The following GRK5 variants were observed in gnomAD, a reference collection of about 807,000 sequenced individuals.
GRK5 encodes g protein-coupled receptor kinase GRK5.
A neutral mutation model predicts 78.4 loss-of-function variants in GRK5; 40 were observed. That is an observed-to-expected ratio of 0.51 (90% confidence interval 0.40 to 0.66). GRK5 has a LOEUF of 0.66. GRK5 is among the 30% of genes least tolerant of loss of function. GRK5 has a pLI of 0.00. For synonymous variants in GRK5, 289 were observed against 296.8 expected, an observed-to-expected ratio of 0.97 and a Z score of 0.27; for missense variants, 598 against 759.9, an observed-to-expected ratio of 0.79 and a Z score of 2.50.
At chr10:119,265,160 C>A (rs893950544) in intron 1 of GRK5, among the ~76,000 whole-genome samples, 3 of 152,210 alleles carry the variant, frequency 2.0e-5, no homozygotes, top group African/African-American at 7.2e-5. Flanking sequence ...GGGGCCTGCT[C>A]AGGTGCTGGA....
At chr10:119,344,080 T>TA (rs1851030852) in intron 2 of GRK5, among the ~76,000 whole-genome samples, 1 of 147,288 alleles carries the variant, frequency 6.8e-6, no homozygotes, top group Non-Finnish European at 1.5e-5. Context: ...TTTCTTTTTC[T>TA]TTTTTTTTTG....
At chr10:119,405,178 G>T (rs892899503) in intron 4 of GRK5, among the ~76,000 whole-genome samples, 1 of 152,102 alleles carries the variant, frequency 6.6e-6, no homozygotes, top group Non-Finnish European at 1.5e-5. Flanking sequence ...GGCCTGCGTG[G>T]GTTCTTCCCG....
rs1850886070 is a variant in GRK5 at position 119,336,360 on chromosome 10, C to A, written c.148+9749C>A. 6.6e-6 allele frequency among the ~76,000 whole-genome samples: 1 copy of A among 152,160 alleles called. No individual in the cohort carries two copies. The highest frequency in any genetic ancestry group is 2.1e-4 in the South Asian group (1 of 4,828). On this transcript the variant is annotated intron_variant, in intron 2 of 15. Coordinates refer to ENST00000392870, the MANE Select transcript of GRK5 (RefSeq NM_005308.3). This position sits in a 1 kb window ranked among gnomAD's most constrained non-coding sequence, Gnocchi z 4.5. ...TGAAAGGACGTGTGTCATCTAGAAGCCTGCAGCCCCGAGTCCTAACAATGG... is the reference window on the plus strand; with the variant it reads ...TGAAAGGACGTGTGTCATCTAGAAGACTGCAGCCCCGAGTCCTAACAATGG...
Position 119,396,753 on chromosome 10 carries a change from C to T in GRK5, c.320C>T (p.Thr107Ile). 6.2e-7 allele frequency: 1 copy of T among 1,613,394 alleles called. No individual in the cohort carries two copies. The highest frequency in any genetic ancestry group is 1.1e-5 in the South Asian group (1 of 91,068). Residue 107 changes from threonine (T) to isoleucine (I), a missense_variant, in exon 4 of 16, where the codon ACC (threonine) becomes ATC (isoleucine). By Grantham distance (89) the Thr-to-Ile change is moderately conservative. Coordinates refer to ENST00000392870, the MANE Select transcript of GRK5 (RefSeq NM_005308.3). ...KLGEKGKEIM[T>I]KYLTPKSPVF... ...GGAGAGAAAGGGAAGGAAATTATGACCAAGTACCTCACCCCAAAGGTAAGG... is the reference window on the plus strand; with the variant it reads ...GGAGAGAAAGGGAAGGAAATTATGATCAAGTACCTCACCCCAAAGGTAAGG...
intron 1 of GRK5, among the ~76,000 whole-genome samples, chr10:119,261,349 G>C (rs1026384045): frequency 6.7e-5 from 10 of 149,978 alleles, no homozygotes; most frequent in Non-Finnish European, 1.3e-4. Flanking sequence ...ATGGCGGCCG[G>C]GAAGAGGCGC....
chr10:119,275,948 G>A (rs1316641419), intron 1 of GRK5, among the ~76,000 whole-genome samples: 2 of 152,140 alleles, frequency 1.3e-5, no homozygotes, highest in African/African-American at 4.8e-5. Context: ...TTCCATAGCT[G>A]TGCTAGCTCC....
intron 1 of GRK5, among the ~76,000 whole-genome samples, chr10:119,320,243 C>T (rs1300511274): frequency 6.6e-6 from 1 of 152,186 alleles, no homozygotes; most frequent in Non-Finnish European, 1.5e-5. Context: ...TGGGCTTCTA[C>T]AGTGGACCAA....
intron 3 of GRK5, among the ~76,000 whole-genome samples, chr10:119,393,875 T>C (rs991537646): frequency 1.1e-4 from 17 of 152,148 alleles, no homozygotes; most frequent in African/African-American, 4.1e-4. Flanking sequence ...TGTGTCTGTG[T>C]GTGGGTGTCT....
At chr10:119,394,121 T>G (rs1449586450) in intron 3 of GRK5, among the ~76,000 whole-genome samples, 1 of 126,990 alleles carries the variant, frequency 7.9e-6, no homozygotes, top group African/African-American at 3.1e-5. Context: ...GGGGGGTGTG[T>G]GTGTGTGTGT....
At chr10:119,282,521 G>T (rs1405229360) in intron 1 of GRK5, among the ~76,000 whole-genome samples, 1 of 152,210 alleles carries the variant, frequency 6.6e-6, no homozygotes, top group Non-Finnish European at 1.5e-5. Context: ...TCAGCTCCTA[G>T]ACCAGGGTCG....
chr10:119,231,536 T>C (rs1457767280), intron 1 of GRK5, among the ~76,000 whole-genome samples: 2 of 151,268 alleles, frequency 1.3e-5, no homozygotes, highest in African/African-American at 4.9e-5. Context: ...TGAAACCTTG[T>C]CTCTACTAAA....
At chr10:119,403,472 T>A (rs936888518) in intron 4 of GRK5, among the ~76,000 whole-genome samples, 1 of 152,230 alleles carries the variant, frequency 6.6e-6, no homozygotes, top group African/African-American at 2.4e-5. Context: ...CCGACTGGTT[T>A]CTTTTGTAGC....
chr10:119,402,926 A>C (rs1852173246), intron 4 of GRK5, among the ~76,000 whole-genome samples: 1 of 152,242 alleles, frequency 6.6e-6, no homozygotes, highest in Non-Finnish European at 1.5e-5. Context: ...ATACCATAGA[A>C]CTAATTCTTT....
chr10:119,317,698 G>A (rs1405397575), intron 1 of GRK5, among the ~76,000 whole-genome samples: 1 of 152,116 alleles, frequency 6.6e-6, no homozygotes, highest in Non-Finnish European at 1.5e-5. Flanking sequence ...TCAGAGCCCA[G>A]GATCACCAGA....
intron 1 of GRK5, among the ~76,000 whole-genome samples, chr10:119,287,885 C>G (rs551004619): frequency 3.9e-4 from 60 of 152,362 alleles, no homozygotes; most frequent in African/African-American, 1.4e-3. Flanking sequence ...CAGGTAGACA[C>G]AGCCAGGAAG....
intron 1 of GRK5, among the ~76,000 whole-genome samples, chr10:119,316,395 A>G (rs1850486961): frequency 6.6e-6 from 1 of 152,202 alleles, no homozygotes; most frequent in Non-Finnish European, 1.5e-5. Context: ...CAGCCTCAAC[A>G]GCTGCAACAC....
At chr10:119,352,500 C>A (rs563491239) in intron 2 of GRK5, among the ~76,000 whole-genome samples, 2 of 152,306 alleles carry the variant, frequency 1.3e-5, no homozygotes, top group South Asian at 4.1e-4. Flanking sequence ...AAGGTGCTTA[C>A]AGCAGATCGA....
chr10:119,256,535 G>A (rs1238892265), intron 1 of GRK5, among the ~76,000 whole-genome samples: 2 of 152,118 alleles, frequency 1.3e-5, no homozygotes, highest in African/African-American at 4.8e-5. Context: ...ATTTCCTGCT[G>A]CTCTCTGGGT....
intron 6 of GRK5, among the ~76,000 whole-genome samples, chr10:119,427,407 A>G (rs1264857005): frequency 3.0e-5 from 4 of 131,998 alleles, no homozygotes; most frequent in African/African-American, 1.2e-4. Flanking sequence ...ACTGCCATCA[A>G]CAGCGTCACC....
Sources: allele counts gnomAD v4.1 joint callset (sites outside exome capture counted in the v4.1 genomes callset), GRCh38; gene constraint gnomAD v4.1.1; non-coding constraint Gnocchi (gnomAD v3.1); transcripts MANE v1.5; gene names NCBI Gene and HGNC (gene_info 2026-07-23, HGNC 2026-07-21).